SUCLG2: variants seen among roughly 807,000 people sequenced by gnomAD.
The protein encoded by SUCLG2 is succinate-CoA ligase GDP-forming subunit beta, also known as succinate--CoA ligase [GDP-forming] subunit beta, mitochondrial.
SUCLG2 carries 42 observed loss-of-function variants against 47.9 expected under a neutral mutation model. The ratio of observed to expected loss-of-function variants is 0.88; its 90% CI spans 0.69 to 1.14. The LOEUF is 1.14. Ranked by LOEUF, SUCLG2 falls within the 50% of genes most tolerant of loss-of-function variation. The probability of loss-of-function intolerance (pLI) is 0.00; values close to 1 mark genes in which losing one functional copy is unlikely to be tolerated. For missense variants in SUCLG2, 571 were observed against 525.9 expected, an observed-to-expected ratio of 1.09 and a Z score of -0.84; for synonymous variants, 195 against 197.3, an observed-to-expected ratio of 0.99 and a Z score of 0.10.
chr3:67,488,668 T>C (rs1705126307), intron 9 of SUCLG2, among the ~76,000 whole-genome samples: 2 of 152,312 alleles, frequency 1.3e-5, no homozygotes, highest in African/African-American at 4.8e-5. Flanking sequence ...TTCCCGACCA[T>C]TATTGATTGT....
At chr3:67,615,244 G>C (rs1211950844) in intron 1 of SUCLG2, among the ~76,000 whole-genome samples, 1 of 132,238 alleles carries the variant, frequency 7.6e-6, no homozygotes, top group Non-Finnish European at 1.6e-5. Flanking sequence ...AAACCAGACA[G>C]CTACACAGAA....
intron 6 of SUCLG2, among the ~76,000 whole-genome samples, chr3:67,509,367 T>G (rs1271191141): frequency 6.6e-6 from 1 of 152,198 alleles, no homozygotes; most frequent in Non-Finnish European, 1.5e-5. Context: ...AATTACTGAG[T>G]GTCTAATGAA....
chr3:67,434,535 A>C (rs966587055), intron 9 of SUCLG2, among the ~76,000 whole-genome samples: 1 of 152,120 alleles, frequency 6.6e-6, no homozygotes, highest in Non-Finnish European at 1.5e-5. Context: ...AACAACAACA[A>C]TAACAACAAT....
At chr3:67,438,508 GAA>G (rs1218405460) in intron 9 of SUCLG2, among the ~76,000 whole-genome samples, 1 of 151,502 alleles carries the variant, frequency 6.6e-6, no homozygotes, top group African/African-American at 2.4e-5. Context: ...GACTAATAAA[GAA>G]GAGAGAAGAA....
At chr3:67,452,798 C>T (rs1002158113) in intron 9 of SUCLG2, among the ~76,000 whole-genome samples, 2 of 152,126 alleles carry the variant, frequency 1.3e-5, no homozygotes, top group African/African-American at 2.4e-5. Flanking sequence ...TATTCAGGAC[C>T]GCATTTCTAA....
chr3:67,578,434 TTA>T (rs1375801562), intron 2 of SUCLG2, among the ~76,000 whole-genome samples: 2 of 152,018 alleles, frequency 1.3e-5, no homozygotes, highest in Admixed American at 1.3e-4. Flanking sequence ...TTATGAGAAT[TTA>T]TGTTTTCAAA....
At chr3:67,565,053 G>A (rs1707413408) in intron 2 of SUCLG2, among the ~76,000 whole-genome samples, 1 of 151,838 alleles carries the variant, frequency 6.6e-6, no homozygotes, top group African/African-American at 2.4e-5. Context: ...ATGAGTGAGT[G>A]ACTCTGGTAC....
chr3:67,408,803 T>G (rs1443423922), intron 9 of SUCLG2: 3 of 1,353,606 alleles, frequency 2.2e-6, no homozygotes, highest in Non-Finnish European at 2.8e-6. Flanking sequence ...ATAAACTCAA[T>G]GAGCTTAAAC....
chr3:67,421,959 A>C (rs186945518), intron 9 of SUCLG2, among the ~76,000 whole-genome samples: 1 of 152,334 alleles, frequency 6.6e-6, no homozygotes, highest in Admixed American at 6.5e-5. Flanking sequence ...AATTCTTTGA[A>C]TAAAAGCAAA....
At chr3:67,599,206 G>A (rs1333613865) in intron 2 of SUCLG2, among the ~76,000 whole-genome samples, 5 of 152,188 alleles carry the variant, frequency 3.3e-5, no homozygotes, top group Non-Finnish European at 7.3e-5. Context: ...TGAAGCTATC[G>A]TGGAGCAAAT....
exon 11 of SUCLG2, chr3:67,360,689 G>C (rs1450965184): frequency 6.5e-7 from 1 of 1,528,258 alleles, no homozygotes; most frequent in Non-Finnish European, 8.8e-7. Context: ...CGTTCTCTTG[G>C]ATACCAGTTA....
intron 6 of SUCLG2, among the ~76,000 whole-genome samples, chr3:67,517,541 G>GCTTGCC (rs1370505070): frequency 6.6e-6 from 1 of 152,140 alleles, no homozygotes; most frequent in African/African-American, 2.4e-5. Context: ...TGCCCCACTA[G>GCTTGCC]ACACATAATC....
chr3:67,574,272 A>G (rs1042852881), intron 2 of SUCLG2, among the ~76,000 whole-genome samples: 4 of 152,306 alleles, frequency 2.6e-5, no homozygotes, highest in African/African-American at 7.2e-5. Context: ...GACATCTACA[A>G]AGTCCCTTCT....
chr3:67,564,213 C>T (rs943184081), intron 2 of SUCLG2, among the ~76,000 whole-genome samples: 1 of 152,170 alleles, frequency 6.6e-6, no homozygotes, highest in Non-Finnish European at 1.5e-5. Flanking sequence ...GTAATAGTGT[C>T]CATTTTTTGG....
intron 9 of SUCLG2, among the ~76,000 whole-genome samples, chr3:67,474,924 C>T (rs1704708702): frequency 6.6e-6 from 1 of 151,972 alleles, no homozygotes. Context: ...CTCTACTTTC[C>T]CAACCCTCAG....
chr3:67,509,949 T>G (rs1232845935), intron 6 of SUCLG2, among the ~76,000 whole-genome samples: 2 of 152,068 alleles, frequency 1.3e-5, no homozygotes, highest in Non-Finnish European at 2.9e-5. Flanking sequence ...TGGCAAGCAG[T>G]GGTGAGAGAT....
chr3:67,371,437 ATCTCT>A (rs1701951625), downstream of SUCLG2, among the ~76,000 whole-genome samples: 1 of 152,204 alleles, frequency 6.6e-6, no homozygotes, highest in Admixed American at 6.5e-5. Context: ...TCCAGCCTTT[ATCTCT>A]TCTGCCCCTC....
intron 2 of SUCLG2, among the ~76,000 whole-genome samples, chr3:67,554,268 A>G (rs1235490314): frequency 6.6e-6 from 1 of 152,104 alleles, no homozygotes; most frequent in Admixed American, 6.5e-5. Context: ...GAAGTCAGCT[A>G]CCCTCTGTAA....
intron 9 of SUCLG2, among the ~76,000 whole-genome samples, chr3:67,423,923 T>A (rs542870134): frequency 4.1e-4 from 63 of 152,330 alleles, no homozygotes; most frequent in African/African-American, 1.4e-3. Flanking sequence ...CTGACACTGA[T>A]ACTAACTATA....
Sources: gnomAD v4.1 joint callset for allele counts (sites outside exome capture counted in the v4.1 genomes callset) on GRCh38, gnomAD v4.1.1 for gene constraint, MANE v1.5 for transcripts, NCBI Gene and HGNC (gene_info 2026-07-23, HGNC 2026-07-21) for gene names.